Variants in ZNF518A observed in about 807,000 individuals in gnomAD.
ZNF518A encodes the protein zinc finger protein 518.
ZNF518A carries 47 observed loss-of-function variants against 102.7 expected under a neutral mutation model. The observed-to-expected ratio is 0.46, with a 90% CI of 0.36 to 0.58. ZNF518A has a LOEUF of 0.58. Ranked by LOEUF, ZNF518A falls within the 20% of genes least tolerant of loss-of-function variation. The pLI is 0.00. For missense variants in ZNF518A, 1,793 were observed against 1,699.8 expected (o/e 1.05, Z -0.96); for synonymous variants, 652 against 594.6 (o/e 1.10, Z -1.40).
In ZNF518A at chr10:96,157,985, G is replaced by A. The variant is rs140095775; in HGVS notation, c.1663G>A (p.Ala555Thr). The A allele has an allele frequency of 5.4e-5, 87 of 1,613,750 alleles. No homozygotes were observed. The East Asian group carries it at 1.6e-3, about 31-fold the overall frequency. The change falls in exon 6 of 6, where the codon GCA (alanine) becomes ACA (threonine). Residue 555 changes from alanine (A) to threonine (T), a missense_variant. Ala to Thr is a moderately conservative substitution (Grantham distance 58). Around this residue, in one of 3 missense-constraint regions of ZNF518A, gnomAD observed 1,741 missense variants for 1,622.6 expected, o/e 1.07. Coordinates refer to ENST00000316045, the MANE Select transcript of ZNF518A (RefSeq NM_001330736.2). ...DYEKSVSSLS[A>T]TSELVTASVN... ...TGAGAAAAGTGTATCTTCTTTGTCAGCAACATCAGAATTGGTTACAGCATC... is the reference window on the plus strand; with the variant it reads ...TGAGAAAAGTGTATCTTCTTTGTCAACAACATCAGAATTGGTTACAGCATC...
At chr10:96,189,799 C>T (rs2083300764) in intron 1 of ZNF518A, 2 of 1,023,314 alleles carry the variant, frequency 2.0e-6, no homozygotes. Context: ...GGACAGATCA[C>T]TTTCCAGATA....
intron 3 of ZNF518A, among the ~76,000 whole-genome samples, chr10:96,138,638 CTTTG>C (rs1465880249): frequency 2.6e-5 from 4 of 152,098 alleles, no homozygotes; most frequent in Admixed American, 6.6e-5. Flanking sequence ...AATTTACTTA[CTTTG>C]TTTATTACCT....
intron 1 of ZNF518A, chr10:96,196,857 A>T: frequency 6.4e-7 from 1 of 1,559,616 alleles, no homozygotes; most frequent in East Asian, 2.3e-5. Context: ...ATTTGATGTC[A>T]TTATACTCAA....
At chr10:96,180,551 G>A (rs1221854616) in intron 1 of ZNF518A, among the ~76,000 whole-genome samples, 1 of 150,430 alleles carries the variant, frequency 6.6e-6, no homozygotes, top group African/African-American at 2.4e-5. Flanking sequence ...GTGTCCAAGT[G>A]TTCTCATTGT....
At position 96,200,067 on chromosome 10, in the gene ZNF518A, G is replaced by T. The variant is rs1554895716; in HGVS notation, n.36-3507G>T. The T allele has an allele frequency of 1.3e-6, 2 of 1,516,684 alleles. No individual in the cohort carries two copies. The highest frequency in any genetic ancestry group is 1.8e-6 in the Non-Finnish European group (2 of 1,125,236). The allele number at this position is 1,516,684 out of a possible 1,614,324, so 94.0% of individuals were successfully genotyped here. A position where few individuals can be genotyped will look rare whatever the true frequency, so the allele number is the denominator to read the frequency against. ...AATAAAAATAATAAATAATAAAAAT[G>T]ATCAGACCTTGTTTGATCTGTGCAA... On this transcript the variant is annotated intron_variant and non_coding_transcript_variant, in intron 1 of 2. Transcript: ENST00000442635. The surrounding 1 kb of genome is among the most constrained non-coding windows in gnomAD (Gnocchi z 4.3).
intron 1 of ZNF518A, among the ~76,000 whole-genome samples, chr10:96,171,936 A>G (rs782358566): frequency 6.6e-6 from 1 of 152,122 alleles, no homozygotes; most frequent in African/African-American, 2.4e-5. Context: ...GGAACCCCCA[A>G]TAAGATTAAT....
chr10:96,132,128 C>G (rs1156735533), intron 1 of ZNF518A, among the ~76,000 whole-genome samples: 1 of 151,342 alleles, frequency 6.6e-6, no homozygotes, highest in Admixed American at 6.6e-5. Context: ...GTTTTAACAC[C>G]GTCTTGAAAT....
rs1028641789 is a variant in ZNF518A, at chr10:96,161,832, A to G, written c.*1058A>G. Reference sequence around the variant, plus strand: ...TGCTTCTCAGTGTGACTGACAACCCAAAACATATATACAGATTGTTGGCAT... The same window carrying G: ...TGCTTCTCAGTGTGACTGACAACCCGAAACATATATACAGATTGTTGGCAT... On this transcript the variant is annotated 3_prime_UTR_variant, in exon 6 of 6. Transcript: ENST00000316045. 1 of 167,006 alleles carries G rather than the reference A, an allele frequency of 6.0e-6. No individual in the cohort carries two copies. The highest frequency in any genetic ancestry group is 1.5e-5 in the Non-Finnish European group (1 of 68,030). The allele number at this position is 167,006 out of a possible 1,614,324, so 10.3% of individuals were successfully genotyped here.
intron 1 of ZNF518A, among the ~76,000 whole-genome samples, chr10:96,132,356 T>G (rs1026939036): frequency 6.6e-6 from 1 of 151,990 alleles, no homozygotes; most frequent in Non-Finnish European, 1.5e-5. Flanking sequence ...CTTTTTCTTG[T>G]AATAAATGAA....
intron 3 of ZNF518A, among the ~76,000 whole-genome samples, 163 bp from the exon 4 acceptor site, chr10:96,155,163 A>G (rs1554881758): frequency 6.8e-6 from 1 of 147,782 alleles, no homozygotes; most frequent in African/African-American, 2.7e-5. Flanking sequence ...TCTCAACAAT[A>G]TATTGTTATG....
At position 96,157,051 on chromosome 10, in the gene ZNF518A, T is replaced by G. The variant is rs1458955696; in HGVS notation, c.729T>G (p.Cys243Trp). 1.2e-6 allele frequency: 2 copies of G among 1,613,540 alleles called. No individual in the cohort carries two copies. The highest frequency in any genetic ancestry group is 3.3e-5 in the Admixed American group (2 of 59,960). ...HYKCGKCHHVCFTKGELQKHL... is the reference protein window; with the variant it reads ...HYKCGKCHHVWFTKGELQKHL... The stretch of plus-strand genomic sequence containing the variant: ...AGTGTGGTAAATGTCATCATGTATG[T>G]TTTACCAAAGGAGAGCTTCAGAAGC... Residue 243 changes from cysteine to tryptophan, a missense_variant, in exon 6 of 6, where the codon TGT becomes TGG. Cys to Trp is a radical substitution (Grantham distance 215, BLOSUM62 -2). Around this residue, in one of 3 missense-constraint regions of ZNF518A, gnomAD observed 1,741 missense variants for 1,622.6 expected, o/e 1.07. Transcript: ENST00000316045.
chr10:96,140,711 G>A (rs782190146), intron 3 of ZNF518A, among the ~76,000 whole-genome samples: 10 of 151,582 alleles, frequency 6.6e-5, no homozygotes, highest in Non-Finnish European at 1.3e-4. Context: ...TAGGCAAATT[G>A]CTTGAGACCA....
intron 3 of ZNF518A, among the ~76,000 whole-genome samples, chr10:96,142,964 G>A (rs782317869): frequency 1.3e-5 from 2 of 151,972 alleles, no homozygotes; most frequent in Admixed American, 6.5e-5. Flanking sequence ...CCGCAACCAT[G>A]CCCGGCTAAC....
chr10:96,171,636 T>C (rs111813439), intron 1 of ZNF518A, among the ~76,000 whole-genome samples: 16 of 152,320 alleles, frequency 1.1e-4, no homozygotes, highest in African/African-American at 3.4e-4. Context: ...CATTGAAGTG[T>C]ACATTTTATA....
chr10:96,192,229 T>C (rs1409923249), intron 1 of ZNF518A: 1 of 1,240,894 alleles, frequency 8.1e-7, no homozygotes, highest in African/African-American at 1.5e-5. Flanking sequence ...AAAAATCTAG[T>C]TTAACAAAGG....
At chr10:96,153,707 A>C (rs1591204790) in intron 3 of ZNF518A, among the ~76,000 whole-genome samples, 1 of 152,290 alleles carries the variant, frequency 6.6e-6, no homozygotes. Context: ...GTTCCCAATG[A>C]AGCTTTTGAA....
chr10:96,185,207 CT>C (rs782541254), intron 1 of ZNF518A, among the ~76,000 whole-genome samples: 1 of 152,178 alleles, frequency 6.6e-6, no homozygotes, highest in East Asian at 1.9e-4. Flanking sequence ...TTCGTCTAAT[CT>C]TTTTTCAAGG....
downstream of ZNF518A, among the ~76,000 whole-genome samples, chr10:96,165,489 A>AC (rs2083130038): frequency 1.4e-5 from 1 of 71,964 alleles, no homozygotes; most frequent in Admixed American, 1.5e-4. Context: ...AAAAAAAAAA[A>AC]CAGACACCAA....
intron 1 of ZNF518A, among the ~76,000 whole-genome samples, chr10:96,131,730 T>A (rs1463377831): frequency 6.6e-6 from 1 of 152,204 alleles, no homozygotes; most frequent in Non-Finnish European, 1.5e-5. Flanking sequence ...CTGTGTGCAT[T>A]GATAATGTAT....
Sources: allele counts gnomAD v4.1 joint callset (sites outside exome capture counted in the v4.1 genomes callset), GRCh38; gene constraint gnomAD v4.1.1; regional missense constraint gnomAD v4.1.1; non-coding constraint Gnocchi (gnomAD v3.1); transcripts MANE v1.5; gene names NCBI Gene and HGNC (gene_info 2026-07-23, HGNC 2026-07-21).